The following MOCS2 variants were observed in gnomAD, a reference collection of about 807,000 sequenced individuals.
MOCS2 encodes the protein molybdenum cofactor synthesis 2.
Under a neutral mutation model 21.9 loss-of-function variants are expected in MOCS2, and 13 were observed. That is an observed-to-expected ratio of 0.59 (90% confidence interval 0.39 to 0.94). MOCS2 has a LOEUF of 0.94. MOCS2 is among the 40% of genes least tolerant of loss of function. The pLI is 0.00. For synonymous variants in MOCS2, 92 were observed against 80.8 expected (o/e 1.14, Z -0.74); for missense variants, 227 against 218.3 (o/e 1.04, Z -0.25).
chr5:53,109,419 G>C lies in MOCS2; in HGVS notation c.-338C>G. 1 of 1,247,880 alleles carries C rather than the reference G, an allele frequency of 8.0e-7. No individual in the cohort carries two copies. Among genetic ancestry groups the C allele is most frequent in the Non-Finnish European group, 1.0e-6 (1 of 996,038 alleles). The allele number at this position is 1,247,880 out of a possible 1,614,324, so 77.3% of individuals were successfully genotyped here. On this transcript the variant is annotated 5_prime_UTR_variant, in exon 1 of 7. Coordinates refer to ENST00000396954, the MANE Select transcript of MOCS2 (RefSeq NM_004531.5). ...ATCAAAACGAATAATCTGGGAAAGA[G>C]GTGGTCATAAAAGGTGGAGGCGCCT...
chr5:53,109,463 T>G lies in MOCS2; in HGVS notation c.-382A>C. The stretch of plus-strand genomic sequence containing the variant: ...GGCGCCTTCAGAACGAGTCCGTCCT[T>G]GCTGCCGTGAGCTGACAAGAGTTCT... On this transcript the variant is annotated 5_prime_UTR_variant, in exon 1 of 7. Coordinates refer to ENST00000396954, the MANE Select transcript of MOCS2 (RefSeq NM_004531.5). 4 of 1,293,450 alleles carry G rather than the reference T, an allele frequency of 3.1e-6. No individual in the cohort carries two copies. Among genetic ancestry groups the G allele is most frequent in the Non-Finnish European group, 3.9e-6 (4 of 1,021,800 alleles). The allele number at this position is 1,293,450 out of a possible 1,614,324, so 80.1% of individuals were successfully genotyped here.
At chr5:53,103,211 T>G (rs146497602) in intron 3 of MOCS2, among the ~76,000 whole-genome samples, 1 of 152,312 alleles carries the variant, frequency 6.6e-6, no homozygotes, top group East Asian at 1.9e-4. Context: ...GAATCAGGCA[T>G]GACATAAAAA....
intron 3 of MOCS2, among the ~76,000 whole-genome samples, chr5:53,106,497 T>C (rs1357177573): frequency 6.6e-6 from 1 of 151,946 alleles, no homozygotes; most frequent in Admixed American, 6.6e-5. Context: ...GAGATAAATA[T>C]TGAGTACACA....
At chr5:53,102,255 G>A in intron 3 of MOCS2, 31 bp from the exon 4 acceptor site, 1 of 1,600,910 alleles carries the variant, frequency 6.2e-7, no homozygotes, top group Non-Finnish European at 8.5e-7. Flanking sequence ...AACCTTAACA[G>A]AAGTCCTAGG....
intron 3 of MOCS2, among the ~76,000 whole-genome samples, chr5:53,106,270 TCACAA>T (rs1741046307): frequency 6.6e-6 from 1 of 152,136 alleles, no homozygotes; most frequent in Non-Finnish European, 1.5e-5. Flanking sequence ...GCAGCACTAT[TCACAA>T]TAGCAAAGAC....
intron 3 of MOCS2, among the ~76,000 whole-genome samples, chr5:53,105,480 T>C (rs989240720): frequency 3.9e-5 from 6 of 152,146 alleles, no homozygotes; most frequent in Non-Finnish European, 8.8e-5. Context: ...GGGGAAAGGA[T>C]ACCCTATTCA....
chr5:53,098,301 ATGTG>A lies in MOCS2; in HGVS notation c.*297_*300del, dbSNP rs1740806827. 2.5e-6 allele frequency: 1 copy of A among 392,924 alleles called. No homozygotes were observed. Among genetic ancestry groups the A allele is most frequent in the African/African-American group, 2.0e-5 (1 of 49,168 alleles). 24.3% of individuals were successfully genotyped at this position (392,924 alleles called of 1,614,324 possible). On this transcript the variant is annotated 3_prime_UTR_variant, in exon 7 of 7. Transcript: ENST00000396954. ...GTCACTGAGGAGGGCCCATACCTCA[ATGTG>A]TGTTGAGTTACAATTAGAAATTAGT...
Position 53,101,438 on chromosome 5 carries a change from C to A in MOCS2, c.298G>T (p.Glu100Ter). Residue 100 changes from glutamate to a stop codon, truncating the protein, a stop_gained, in exon 5 of 7, where the codon GAA becomes TAA. Transcript: ENST00000396954. LOFTEE classifies it high-confidence loss of function. ...LEYEAYLPMA[E>*]NEVRKICSDI... ...CTACAAATCTTTCTGACTTCATTTT[C>A]CGCCATGGGTAGATATGCTTCATAT... 6.2e-7 allele frequency: 1 copy of A among 1,613,442 alleles called. No homozygotes were observed. Among genetic ancestry groups the A allele is most frequent in the Non-Finnish European group, 8.5e-7 (1 of 1,179,584 alleles).
At chr5:53,101,580 TTAA>T in intron 4 of MOCS2, 71 bp from the exon 5 acceptor site, 1 of 1,107,264 alleles carries the variant, frequency 9.0e-7, no homozygotes, top group South Asian at 1.4e-5. Flanking sequence ...AAATAGCACG[TTAA>T]TAAAAAAGGA....
chr5:53,100,775 G>C (rs947693706), intron 5 of MOCS2: 26 of 482,988 alleles, frequency 5.4e-5, no homozygotes, highest in Non-Finnish European at 8.6e-5. Flanking sequence ...CCTCCTGATG[G>C]GCACCAAGGA....
rs926831353 is a variant in MOCS2, at chr5:53,096,495, A to T, written c.*2107T>A. ...CAGGCAATCTGATTAAAGGCTAATT[A>T]TTTTTTTTAGATTACTCTTCTAGTT... On this transcript the variant is annotated 3_prime_UTR_variant, in exon 7 of 7. Coordinates refer to ENST00000396954, the MANE Select transcript of MOCS2 (RefSeq NM_004531.5). The T allele has an allele frequency of 2.0e-5, 3 of 150,052 alleles. No individual in the cohort carries two copies. The highest frequency in any genetic ancestry group is 6.6e-5 in the Admixed American group (1 of 15,084). The allele number at this position is 150,052 out of a possible 1,614,324, so 9.3% of individuals were successfully genotyped here.
Position 53,101,456 on chromosome 5 carries a change from C to T in MOCS2, c.280G>A (p.Ala94Thr), listed in dbSNP as rs763684730. ...GKKVISLEYE[A>T]YLPMAENEVR... Reference sequence around the variant, plus strand: ...TCATTTTCCGCCATGGGTAGATATGCTTCATATTCTAAGCTAATGACTTTT... The same window carrying T: ...TCATTTTCCGCCATGGGTAGATATGTTTCATATTCTAAGCTAATGACTTTT... The change falls in exon 5 of 7, where the codon GCA (alanine) becomes ACA (threonine). Residue 94 changes from alanine (A) to threonine (T), a missense_variant. By Grantham distance (58) the Ala-to-Thr change is moderately conservative. Transcript: ENST00000396954. The T allele has an allele frequency of 2.5e-5, 40 of 1,612,218 alleles. No homozygotes were observed. The highest frequency in any genetic ancestry group is 3.3e-5 in the Non-Finnish European group (39 of 1,178,758).
At position 53,096,636 on chromosome 5, in the gene MOCS2, A is replaced by T. The variant is rs947687394; in HGVS notation, c.*1966T>A. On this transcript the variant is annotated 3_prime_UTR_variant, in exon 7 of 7. Coordinates refer to ENST00000396954, the MANE Select transcript of MOCS2 (RefSeq NM_004531.5). The stretch of plus-strand genomic sequence containing the variant: ...CTCCTAAGTAAGCAAGGGTCAGTAA[A>T]GATCCTATCTAAGTCAAGTGCAATG... 2.6e-5 allele frequency: 4 copies of T among 152,218 alleles called. No homozygotes were observed. The highest frequency in any genetic ancestry group is 9.6e-5 in the African/African-American group (4 of 41,470). 9.4% of individuals were successfully genotyped at this position (152,218 alleles called of 1,614,324 possible).
intron 5 of MOCS2, 74 bp from the exon 6 acceptor site, chr5:53,100,608 TGA>T: frequency 6.6e-7 from 1 of 1,525,596 alleles, no homozygotes; most frequent in Non-Finnish European, 9.0e-7. Context: ...GCTAGACAGA[TGA>T]AAAAAAATCC....
Position 53,109,496 on chromosome 5 carries a change from G to A in MOCS2, c.-415C>T, listed in dbSNP as rs1056445448. 1.2e-5 allele frequency: 16 copies of A among 1,342,198 alleles called. No individual in the cohort carries two copies. The highest frequency in any genetic ancestry group is 1.5e-5 in the Non-Finnish European group (16 of 1,049,772). The allele number at this position is 1,342,198 out of a possible 1,614,324, so 83.1% of individuals were successfully genotyped here. A position where few individuals can be genotyped will look rare whatever the true frequency, so the allele number is the denominator to read the frequency against. On this transcript the variant is annotated 5_prime_UTR_variant, in exon 1 of 7. Transcript: ENST00000396954. ...TGAGCTGACAAGAGTTCTCGGAGAG[G>A]ACCCGACTTCTGCTGGGGCAGTCGC...
In MOCS2 at chr5:53,102,175, T is replaced by C. The variant is rs2233213; in HGVS notation, c.148A>G (p.Thr50Ala). The C allele has an allele frequency of 0.036, 57,673 of 1,612,294 alleles. 1,173 individuals carry two copies. The highest frequency in any genetic ancestry group is 0.085 in the East Asian group (3,800 of 44,846). Residue 50 changes from threonine to alanine, a missense_variant, in exon 4 of 7, where the codon ACT (threonine) becomes GCT (alanine). By Grantham distance (58) the Thr-to-Ala change is moderately conservative. Coordinates refer to ENST00000396954, the MANE Select transcript of MOCS2 (RefSeq NM_004531.5). ...TCATCTACTGAAAGTTTCTCGGCAGTAAAGTTTATAACATCTTTAGATTTC... is the reference window on the plus strand; with the variant it reads ...TCATCTACTGAAAGTTTCTCGGCAGCAAAGTTTATAACATCTTTAGATTTC... ...EEKSKDVINF[T>A]AEKLSVDEVS...
rs1448978134 is a variant in MOCS2, at chr5:53,096,077, G to A, written c.*2525C>T. 1 of 152,176 alleles carries A rather than the reference G, an allele frequency of 6.6e-6. No individual in the cohort carries two copies. The highest frequency in any genetic ancestry group is 1.5e-5 in the Non-Finnish European group (1 of 68,038). The allele number at this position is 152,176 out of a possible 1,614,324, so 9.4% of individuals were successfully genotyped here. On this transcript the variant is annotated 3_prime_UTR_variant, in exon 7 of 7. Transcript: ENST00000396954. The stretch of plus-strand genomic sequence containing the variant: ...ATCTAAGTAAGACTCAAGTTGCTAA[G>A]AGCAACTTTACTATAACTTTTACTA...
rs756459695 is a variant in MOCS2, at chr5:53,100,488, C to T, written c.424G>A (p.Ala142Thr). ...EASIIIAVSS[A>T]HRAASLEAVS... ...GCTTCAAGAGATGCAGCTCTGTGGG[C>T]TGAGGACACAGCAATGATTATGCTT... The change falls in exon 6 of 7, where the codon GCC becomes ACC. Residue 142 changes from alanine (A) to threonine (T), a missense_variant. Coordinates refer to ENST00000396954, the MANE Select transcript of MOCS2 (RefSeq NM_004531.5). The T allele has an allele frequency of 1.9e-6, 3 of 1,613,728 alleles. No individual in the cohort carries two copies. The highest frequency in any genetic ancestry group is 1.7e-6 in the Non-Finnish European group (2 of 1,179,802).
At chr5:53,100,185 A>C (rs564453305) in intron 6 of MOCS2, among the ~76,000 whole-genome samples, 3 of 152,186 alleles carry the variant, frequency 2.0e-5, no homozygotes, top group Non-Finnish European at 4.4e-5. Context: ...AACAGTCCAG[A>C]CTAGGAATTC....
Sources: allele counts gnomAD v4.1 joint callset (sites outside exome capture counted in the v4.1 genomes callset), GRCh38; gene constraint gnomAD v4.1.1; transcripts MANE v1.5; gene names NCBI Gene and HGNC (gene_info 2026-07-23, HGNC 2026-07-21).